Variants in SDK1 observed in about 807,000 individuals in gnomAD.
The protein encoded by SDK1 is protein sidekick-1.
In SDK1, 157 loss-of-function variants were observed where a neutral mutation model predicts 245.5. That is an observed-to-expected ratio of 0.64 (90% CI 0.56 to 0.73). The LOEUF (loss-of-function observed/expected upper bound fraction) is 0.73, where lower values mean the gene tolerates loss of function less well. Among genes scored for constraint, SDK1 ranks in the 30% least tolerant of loss-of-function variants. The probability of loss-of-function intolerance (pLI) is 0.00; values close to 1 mark genes in which losing one functional copy is unlikely to be tolerated. For missense variants in SDK1, 3,583 were observed against 3,002.3 expected, an observed-to-expected ratio of 1.19 and a Z score of -4.52; for synonymous variants, 1,647 against 1,278.5, an observed-to-expected ratio of 1.29 and a Z score of -6.15.
At chr7:3,414,092 C>G (rs186332290) in intron 1 of SDK1, among the ~76,000 whole-genome samples, 1 of 152,074 alleles carries the variant, frequency 6.6e-6, no homozygotes, top group East Asian at 1.9e-4. Context: ...GATAGCTATG[C>G]CTTGGAAGAC....
At chr7:3,638,918 C>A in intron 2 of SDK1, 86 bp from the exon 3 acceptor site, 1 of 711,796 alleles carries the variant, frequency 1.4e-6, no homozygotes, top group Non-Finnish European at 2.4e-6. Flanking sequence ...GATGCCAGTG[C>A]TGTTTGATAA....
chr7:3,878,179 AT>A (rs536363696), intron 5 of SDK1, among the ~76,000 whole-genome samples: 7 of 151,696 alleles, frequency 4.6e-5, no homozygotes, highest in African/African-American at 1.2e-4. Flanking sequence ...TATCTTTTCA[AT>A]TTTTTTTTCA....
chr7:3,622,717 G>A (rs538258161), intron 2 of SDK1, among the ~76,000 whole-genome samples: 1 of 152,292 alleles, frequency 6.6e-6, no homozygotes, highest in Non-Finnish European at 1.5e-5. Flanking sequence ...TTGAGGGAGT[G>A]ACTCGTTATA....
chr7:3,600,769 C>T (rs62437874), intron 1 of SDK1, among the ~76,000 whole-genome samples: 29,092 of 151,810 alleles, frequency 0.19, 3,207 homozygotes, highest in South Asian at 0.29. Context: ...AGGATGGTCT[C>T]GATCTCCTGA....
chr7:3,809,430 G>C (rs896414310), intron 4 of SDK1, among the ~76,000 whole-genome samples: 1 of 152,188 alleles, frequency 6.6e-6, no homozygotes, highest in Non-Finnish European at 1.5e-5. Flanking sequence ...CCTGAGATCA[G>C]CTGTGCTCGA....
At chr7:3,799,313 G>C (rs532552443) in intron 4 of SDK1, among the ~76,000 whole-genome samples, 1 of 151,536 alleles carries the variant, frequency 6.6e-6, no homozygotes, top group Admixed American at 6.6e-5. Context: ...ATCTCAAATT[G>C]TGGCATGTTC....
At chr7:3,606,431 T>G (rs1485397699) in intron 1 of SDK1, among the ~76,000 whole-genome samples, 2 of 152,118 alleles carry the variant, frequency 1.3e-5, no homozygotes, top group Non-Finnish European at 2.9e-5. Flanking sequence ...TATCAAACTT[T>G]TGCTAAAATT....
intron 4 of SDK1, among the ~76,000 whole-genome samples, chr7:3,746,109 A>G (rs1389986982): frequency 6.6e-6 from 1 of 152,206 alleles, no homozygotes; most frequent in African/African-American, 2.4e-5. Context: ...TTTGCTCCAG[A>G]CTACCCCAAT....
intron 1 of SDK1, among the ~76,000 whole-genome samples, chr7:3,357,638 C>T (rs528756633): frequency 7.2e-5 from 11 of 151,792 alleles, no homozygotes; most frequent in African/African-American, 1.2e-4. Flanking sequence ...ATGAGCCGCA[C>T]GCCCAGCCCA....
chr7:3,773,419 C>G (rs1236494059), intron 4 of SDK1, among the ~76,000 whole-genome samples: 2 of 151,756 alleles, frequency 1.3e-5, no homozygotes, highest in Non-Finnish European at 2.9e-5. Context: ...ATTTATATTT[C>G]CATTTTGTTC....
intron 9 of SDK1, among the ~76,000 whole-genome samples, chr7:3,963,776 C>T (rs1781883274): frequency 6.6e-6 from 1 of 151,932 alleles, no homozygotes; most frequent in South Asian, 2.1e-4. Flanking sequence ...TGGGTACACC[C>T]AGGCTCACAG....
intron 40 of SDK1, among the ~76,000 whole-genome samples, chr7:4,230,056 GAA>G (rs1478923529): frequency 1.4e-5 from 2 of 141,760 alleles, no homozygotes; most frequent in Admixed American, 7.1e-5. Context: ...AGGAAGGAAG[GAA>G]GGAAGGAAGG....
intron 13 of SDK1, among the ~76,000 whole-genome samples, chr7:3,981,591 C>T (rs10245473): frequency 6.6e-6 from 1 of 152,152 alleles, no homozygotes; most frequent in African/African-American, 2.4e-5. Context: ...TTAAAGTGCT[C>T]CAGGGAACAC....
chr7:3,481,900 T>TAAAGTGAA lies in SDK1; in HGVS notation c.299-137179_299-137178insAAGTGAAA, dbSNP rs372350289. ...TGTTTTCTGCCAGGACTCTGACTGA[T>TAAAGTGAA]ACAGTGAGAAAGGAATGCTTAATCA... On this transcript the variant is annotated intron_variant, in intron 1 of 44. Coordinates refer to ENST00000404826, the MANE Select transcript of SDK1 (RefSeq NM_152744.4). Among the ~76,000 whole-genome samples the TAAAGTGAA allele has an allele frequency of 1.3e-3, 199 of 152,310 alleles. 2 individuals carry two copies. In the East Asian group the frequency reaches 0.024, roughly 19 times the overall value.
intron 5 of SDK1, among the ~76,000 whole-genome samples, chr7:3,895,765 C>T (rs1295279888): frequency 6.6e-6 from 1 of 152,202 alleles, no homozygotes; most frequent in Non-Finnish European, 1.5e-5. Context: ...CTCATCTCCC[C>T]ATTTTTATGT....
rs1445525848 is a variant in SDK1 at position 4,139,473 on chromosome 7, GTGTATA to G, written c.4229-6245_4229-6240del. On this transcript the variant is annotated intron_variant, in intron 28 of 44. Coordinates refer to ENST00000404826, the MANE Select transcript of SDK1 (RefSeq NM_152744.4). ...TGTGTGTGTATATGTATATATGTGTGTGTATATGTGTGTGTATATATGTGTGTGTGT... is the reference window on the plus strand; with the variant it reads ...TGTGTGTGTATATGTATATATGTGTGTGTGTGTGTATATATGTGTGTGTGT... 8.9e-3 allele frequency among the ~76,000 whole-genome samples: 1,333 copies of G among 149,942 alleles called. 149 individuals are homozygous for G. The highest frequency in any genetic ancestry group is 0.031 in the African/African-American group (1,255 of 40,450).
chr7:3,901,088 T>C (rs1488170441), intron 5 of SDK1, among the ~76,000 whole-genome samples: 2 of 152,262 alleles, frequency 1.3e-5, no homozygotes, highest in African/African-American at 4.8e-5. Flanking sequence ...ATTGACATCT[T>C]TGAAAACTCC....
chr7:4,016,644 C>A (rs1203886395), intron 16 of SDK1, among the ~76,000 whole-genome samples: 1 of 152,182 alleles, frequency 6.6e-6, no homozygotes, highest in East Asian at 1.9e-4. Flanking sequence ...ATAGTTAGTA[C>A]TGGACTAGTA....
intron 20 of SDK1, among the ~76,000 whole-genome samples, chr7:4,075,276 A>AGCTGCCAGGCTGTACGGGGCCTGTGGC (rs1279363220): frequency 4.6e-5 from 7 of 152,158 alleles, no homozygotes; most frequent in Non-Finnish European, 8.8e-5. Flanking sequence ...CGCACACAGA[A>AGCTGCCAGGCTGTACGGGGCCTGTGGC]GCTGCCAGGC....
Sources: gnomAD v4.1 joint callset for allele counts (sites outside exome capture counted in the v4.1 genomes callset) on GRCh38, gnomAD v4.1.1 for gene constraint, MANE v1.5 for transcripts, NCBI Gene and HGNC (gene_info 2026-07-23, HGNC 2026-07-21) for gene names.